The following CPA6 variants were observed in gnomAD, a reference collection of about 807,000 sequenced individuals.
CPA6 encodes the protein carboxypeptidase A6.
CPA6 carries 58 observed loss-of-function variants against 63.3 expected under a neutral mutation model. The observed-to-expected ratio is 0.92, with a 90% CI of 0.74 to 1.14. The LOEUF is 1.14. Ranked by LOEUF, CPA6 falls within the 50% of genes most tolerant of loss-of-function variation. CPA6 has a pLI of 0.00. For missense variants in CPA6, 565 were observed against 526.6 expected (o/e 1.07, Z -0.71); for synonymous variants, 185 against 179.0 (o/e 1.03, Z -0.27).
At chr8:67,638,340 T>C (rs1815516232) in intron 1 of CPA6, among the ~76,000 whole-genome samples, 1 of 151,416 alleles carries the variant, frequency 6.6e-6, no homozygotes, top group Non-Finnish European at 1.5e-5. Flanking sequence ...ATAGTGAGAA[T>C]TTAAAACCAT....
chr8:67,708,479 G>A (rs1054670283), intron 1 of CPA6, among the ~76,000 whole-genome samples: 4 of 152,060 alleles, frequency 2.6e-5, no homozygotes, highest in Non-Finnish European at 4.4e-5. Flanking sequence ...AGTGATCTCT[G>A]GCTGCAGCTC....
rs760221613 is a variant in CPA6, at chr8:67,422,541, T to C, written c.1277A>G (p.Lys426Arg). ...CTTTAGCAGGTGCATTGTGATATTT[T>C]TCACAGCCAGCATAGTTTCTGTACA... ...PTCTETMLAVKNITMHLLKKC... is the reference protein window; with the variant it reads ...PTCTETMLAVRNITMHLLKKC... The change falls in exon 11 of 11, where the codon AAA becomes AGA. Residue 426 changes from lysine to arginine, a missense_variant. Lys to Arg is a conservative substitution (Grantham distance 26). Coordinates refer to ENST00000297770, the MANE Select transcript of CPA6 (RefSeq NM_020361.5). 2.5e-6 allele frequency: 4 copies of C among 1,614,144 alleles called. No homozygotes were observed. Among genetic ancestry groups the C allele is most frequent in the Non-Finnish European group, 3.4e-6 (4 of 1,180,016 alleles).
chr8:67,599,980 C>T (rs1413167070), intron 2 of CPA6, among the ~76,000 whole-genome samples: 1 of 151,836 alleles, frequency 6.6e-6, no homozygotes, highest in East Asian at 1.9e-4. Flanking sequence ...CTTCTGAAAC[C>T]ACATTTTGAT....
chr8:67,654,600 C>G (rs1213582218), intron 1 of CPA6, among the ~76,000 whole-genome samples: 1 of 152,078 alleles, frequency 6.6e-6, no homozygotes, highest in African/African-American at 2.4e-5. Context: ...TCCCCTTTAT[C>G]ATTTTTTATT....
At chr8:67,644,579 G>A (rs1198170660) in intron 1 of CPA6, among the ~76,000 whole-genome samples, 1 of 152,242 alleles carries the variant, frequency 6.6e-6, no homozygotes, top group Non-Finnish European at 1.5e-5. Context: ...GCTCTTACAA[G>A]CATGTTCTTG....
chr8:67,611,747 G>A (rs1814811712), intron 2 of CPA6, among the ~76,000 whole-genome samples: 2 of 152,154 alleles, frequency 1.3e-5, no homozygotes, highest in Non-Finnish European at 2.9e-5. Context: ...GTGCCATGTG[G>A]AAGGCCCAGT....
intron 2 of CPA6, among the ~76,000 whole-genome samples, chr8:67,525,940 G>A (rs1812352887): frequency 6.6e-6 from 1 of 152,100 alleles, no homozygotes; most frequent in African/African-American, 2.4e-5. Flanking sequence ...TTTGGGTGAT[G>A]GTAACACTGA....
At chr8:67,675,764 G>C (rs1268768439) in intron 1 of CPA6, among the ~76,000 whole-genome samples, 2 of 152,204 alleles carry the variant, frequency 1.3e-5, no homozygotes. Flanking sequence ...CTACTCAAAG[G>C]CCTCATGCTG....
chr8:67,441,251 A>G (rs1810288999), intron 8 of CPA6, among the ~76,000 whole-genome samples: 1 of 152,246 alleles, frequency 6.6e-6, no homozygotes, highest in Non-Finnish European at 1.5e-5. Flanking sequence ...AAAATAAGAT[A>G]TTATTCACAA....
chr8:67,710,890 T>C (rs1232284345), intron 1 of CPA6, among the ~76,000 whole-genome samples: 1 of 152,220 alleles, frequency 6.6e-6, no homozygotes, highest in Non-Finnish European at 1.5e-5. Context: ...TAGTCACATA[T>C]AAATCATAAG....
At chr8:67,493,214 T>G (rs1263695208) in intron 6 of CPA6, among the ~76,000 whole-genome samples, 1 of 152,226 alleles carries the variant, frequency 6.6e-6, no homozygotes, top group African/African-American at 2.4e-5. Flanking sequence ...AGTTCTCTTC[T>G]TAAAAATGTT....
At chr8:67,628,928 A>G (rs1213310742) in intron 1 of CPA6, among the ~76,000 whole-genome samples, 1 of 152,214 alleles carries the variant, frequency 6.6e-6, no homozygotes, top group Non-Finnish European at 1.5e-5. Context: ...AATCCTGGCC[A>G]ACATGGCAAA....
chr8:67,523,375 A>C (rs1812299081), intron 2 of CPA6, among the ~76,000 whole-genome samples: 1 of 152,050 alleles, frequency 6.6e-6, no homozygotes, highest in Non-Finnish European at 1.5e-5. Flanking sequence ...AAAAATATAA[A>C]AAAATTAGCC....
At chr8:67,463,473 A>AATAG (rs66509615) in intron 8 of CPA6, among the ~76,000 whole-genome samples, 1 of 145,374 alleles carries the variant, frequency 6.9e-6, no homozygotes, top group Non-Finnish European at 1.5e-5. Context: ...TAAATAAATA[A>AATAG]ATAGATAAAT....
chr8:67,684,367 C>G (rs1816667632), intron 1 of CPA6, among the ~76,000 whole-genome samples: 1 of 152,126 alleles, frequency 6.6e-6, no homozygotes, highest in Non-Finnish European at 1.5e-5. Context: ...TCCATGTTCT[C>G]TTACTAAAAA....
intron 1 of CPA6, among the ~76,000 whole-genome samples, chr8:67,715,613 A>G (rs62511413): frequency 0.035 from 5,302 of 152,368 alleles, 123 homozygotes; most frequent in Non-Finnish European, 0.047. Flanking sequence ...AAACAGCGGA[A>G]AATGTCCTCT....
chr8:67,548,670 T>A (rs1812876674), intron 2 of CPA6, among the ~76,000 whole-genome samples: 1 of 152,254 alleles, frequency 6.6e-6, no homozygotes. Context: ...AAAAATGTTC[T>A]ATAGGGCAAA....
chr8:67,490,266 G>A (rs73693864), intron 6 of CPA6, among the ~76,000 whole-genome samples: 399 of 152,232 alleles, frequency 2.6e-3, no homozygotes, highest in African/African-American at 9.1e-3. Context: ...AAGAACACAG[G>A]GGTGTGCTTT....
intron 8 of CPA6, among the ~76,000 whole-genome samples, chr8:67,479,752 T>A (rs1398961229): frequency 1.3e-5 from 2 of 152,212 alleles, no homozygotes; most frequent in Non-Finnish European, 2.9e-5. Flanking sequence ...AAATTCTCTA[T>A]ATTTTCAGAA....
Sources: gnomAD v4.1 joint callset for allele counts (sites outside exome capture counted in the v4.1 genomes callset) on GRCh38, gnomAD v4.1.1 for gene constraint, MANE v1.5 for transcripts, NCBI Gene and HGNC (gene_info 2026-07-23, HGNC 2026-07-21) for gene names.